DEFB110: variants seen among roughly 807,000 people sequenced by gnomAD.
DEFB110 encodes the protein defensin beta 110, also known as beta-defensin 110.
A neutral mutation model predicts 2.5 loss-of-function variants in DEFB110; 4 were observed. That is an observed-to-expected ratio of 1.60 (90% CI 0.79 to 3.66). The LOEUF is 3.66. Ranked by LOEUF, DEFB110 falls within the 30% of genes most tolerant of loss-of-function variation. DEFB110 has a pLI of 0.01. For missense variants in DEFB110, 94 were observed against 75.4 expected, an observed-to-expected ratio of 1.25 and a Z score of -0.91; for synonymous variants, 29 against 21.8, an observed-to-expected ratio of 1.33 and a Z score of -0.92.
At chr6:50,009,901 A>G (rs1774199134) in intron 1 of DEFB110, among the ~76,000 whole-genome samples, 1 of 152,100 alleles carries the variant, frequency 6.6e-6, no homozygotes, top group African/African-American at 2.4e-5. Flanking sequence ...AGACAATGAA[A>G]AGAAAGATGT....
intron 1 of DEFB110, among the ~76,000 whole-genome samples, chr6:50,010,918 G>A (rs1340838104): frequency 1.3e-5 from 2 of 151,400 alleles, no homozygotes; most frequent in African/African-American, 4.8e-5. Flanking sequence ...AGAAATAATA[G>A]TAATATTTAA....
intron 1 of DEFB110, among the ~76,000 whole-genome samples, chr6:50,010,337 A>C (rs1774206994): frequency 6.6e-6 from 1 of 151,858 alleles, no homozygotes; most frequent in Non-Finnish European, 1.5e-5. Context: ...AATTTAGAAA[A>C]ATGTTTCATT....
At chr6:50,015,256 C>A (rs1030719378), downstream of DEFB110, among the ~76,000 whole-genome samples, 2 of 151,850 alleles carry the variant, frequency 1.3e-5, no homozygotes, top group Non-Finnish European at 2.9e-5. Flanking sequence ...TAATTTACCA[C>A]CTATATTATT....
At chr6:50,018,472 C>T (rs1275616865), downstream of DEFB110, among the ~76,000 whole-genome samples, 5 of 151,880 alleles carry the variant, frequency 3.3e-5, no homozygotes, top group South Asian at 4.1e-4. Context: ...ACTCATGATC[C>T]TTTCACTTCA....
At chr6:50,019,169 A>C in intron 1 of DEFB110, 44 bp from the exon 2 acceptor site, 1 of 1,579,706 alleles carries the variant, frequency 6.3e-7, no homozygotes, top group East Asian at 2.2e-5. Flanking sequence ...TCTAGCTATG[A>C]CACATCCATG....
intron 1 of DEFB110, among the ~76,000 whole-genome samples, chr6:50,019,472 C>T (rs1774380529): frequency 6.6e-6 from 1 of 152,072 alleles, no homozygotes; most frequent in Non-Finnish European, 1.5e-5. Context: ...TCTCTGCTCT[C>T]ACTAACATTA....
Position 50,018,923 on chromosome 6 carries a change from T to C in DEFB110, c.*54A>G. On this transcript the variant is annotated 3_prime_UTR_variant, in exon 2 of 2. Coordinates refer to ENST00000371148, the MANE Select transcript of DEFB110 (RefSeq NM_001037497.2). ...GCCTTGAAGGATGTGCTGGGAAAACTTAATAACGCTGGTCTCTCTTCTTGG... is the reference window on the plus strand; with the variant it reads ...GCCTTGAAGGATGTGCTGGGAAAACCTAATAACGCTGGTCTCTCTTCTTGG... 6.4e-7 allele frequency: 1 copy of C among 1,555,778 alleles called. No homozygotes were observed.
intron 1 of DEFB110, among the ~76,000 whole-genome samples, chr6:50,012,850 A>G (rs1194141910): frequency 1.3e-5 from 2 of 151,870 alleles, no homozygotes; most frequent in Non-Finnish European, 2.9e-5. Flanking sequence ...TTCACCTTCA[A>G]AAGACAACTA....
At chr6:50,014,162 G>A (rs141822782), downstream of DEFB110, among the ~76,000 whole-genome samples, 102 of 151,920 alleles carry the variant, frequency 6.7e-4, no homozygotes, top group African/African-American at 2.4e-3. Flanking sequence ...TTGTAAAATA[G>A]CAATCGATTC....
At chr6:50,014,590 G>A (rs1009649625), downstream of DEFB110, among the ~76,000 whole-genome samples, 3 of 151,772 alleles carry the variant, frequency 2.0e-5, no homozygotes, top group African/African-American at 7.3e-5. Context: ...GGAAAAAGAT[G>A]CTGGAAATAG....
chr6:50,014,033 G>A (rs187009175), downstream of DEFB110, among the ~76,000 whole-genome samples: 2 of 151,866 alleles, frequency 1.3e-5, no homozygotes, highest in East Asian at 1.9e-4. Context: ...GAAGTCATTG[G>A]CATTAACAAG....
At chr6:50,012,303 A>G (rs915714538) in intron 1 of DEFB110, among the ~76,000 whole-genome samples, 3 of 151,988 alleles carry the variant, frequency 2.0e-5, no homozygotes, top group African/African-American at 4.8e-5. Flanking sequence ...GGCCCACTAT[A>G]TACCTCATTC....
chr6:50,019,992 A>G lies in DEFB110; in HGVS notation c.56-867T>C, dbSNP rs367994419. Among the ~76,000 whole-genome samples the G allele has an allele frequency of 1.1e-4, 17 of 152,140 alleles. No individual in the cohort carries two copies. In the East Asian group the frequency reaches 3.3e-3, roughly 29 times the overall value. On this transcript the variant is annotated intron_variant, in intron 1 of 1. Transcript: ENST00000371148. ...GATCATAGGGTTCATAAAACCTACA[A>G]TATTGGTTGTCTCACTTATTTCTAG...
chr6:50,018,788 A>T, downstream of DEFB110: 1 of 1,266,298 alleles, frequency 7.9e-7, no homozygotes, highest in South Asian at 2.9e-5. Context: ...CCAACAAATC[A>T]GGAGAAAAGT....
chr6:50,019,910 C>A (rs905403695), intron 1 of DEFB110, among the ~76,000 whole-genome samples: 10 of 152,064 alleles, frequency 6.6e-5, no homozygotes, highest in African/African-American at 2.4e-4. Flanking sequence ...CACGCAGACA[C>A]ACCCATTTGC....
At chr6:50,010,980 T>G (rs1028809984) in intron 1 of DEFB110, among the ~76,000 whole-genome samples, 6 of 151,832 alleles carry the variant, frequency 4.0e-5, no homozygotes, top group Non-Finnish European at 8.8e-5. Flanking sequence ...ATAAGAATGT[T>G]TTGAGTTATG....
chr6:50,009,267 T>C lies in DEFB110; in HGVS notation c.60A>G (p.Arg20=), dbSNP rs764738620. The stretch of plus-strand genomic sequence containing the variant: ...ATCTATACTTTGGTTCAAAATTGCT[T>C]CTGGCTGCAATCAAGAAAAATATCT... Residue 20 remains arginine (R), a synonymous_variant, in exon 2 of 2, where the codon AGA becomes AGG. Coordinates refer to the DEFB110 transcript ENST00000393660. 3.5e-5 allele frequency: 55 copies of C among 1,593,302 alleles called. No homozygotes were observed. In the South Asian group the frequency reaches 6.0e-4, roughly 17 times the overall value.
downstream of DEFB110, among the ~76,000 whole-genome samples, chr6:50,013,980 T>C (rs1357379080): frequency 6.6e-6 from 1 of 151,766 alleles, no homozygotes; most frequent in Non-Finnish European, 1.5e-5. Flanking sequence ...ATAAATACTG[T>C]TTTGTGGTTT....
chr6:50,021,823 A>G (rs1021420409), intron 1 of DEFB110, 58 bp downstream of exon 1: 45 of 1,463,104 alleles, frequency 3.1e-5, no homozygotes, highest in Non-Finnish European at 4.0e-5. Context: ...TTATCAAGAA[A>G]CAACTTATGT....
Sources: allele counts gnomAD v4.1 joint callset (sites outside exome capture counted in the v4.1 genomes callset), GRCh38; gene constraint gnomAD v4.1.1; transcripts MANE v1.5; gene names NCBI Gene and HGNC (gene_info 2026-07-23, HGNC 2026-07-21).